The following UBE2E1 variants were observed in gnomAD, a reference collection of about 807,000 sequenced individuals.
UBE2E1 encodes the protein ubiquitin conjugating enzyme E2 E1.
A neutral mutation model predicts 21.4 loss-of-function variants in UBE2E1; 6 were observed. That is an observed-to-expected ratio of 0.28 (90% confidence interval 0.15 to 0.55). The LOEUF is 0.55. Among genes scored for constraint, UBE2E1 ranks in the 20% least tolerant of loss-of-function variants. UBE2E1 has a pLI of 0.93. For missense variants in UBE2E1, 142 were observed against 236.5 expected, an observed-to-expected ratio of 0.60 and a Z score of 2.62; for synonymous variants, 87 against 82.7, an observed-to-expected ratio of 1.05 and a Z score of -0.28.
At chr3:23,890,479 T>A (rs1553641297) in intron 5 of UBE2E1, 30 bp from the exon 6 acceptor site, 1 of 1,599,130 alleles carries the variant, frequency 6.3e-7, no homozygotes, top group South Asian at 1.1e-5. Context: ...TTTTCCTTTC[T>A]CCAAAGTAAT....
intron 3 of UBE2E1, among the ~76,000 whole-genome samples, chr3:23,845,725 C>T (rs1700190021): frequency 1.3e-5 from 2 of 151,956 alleles, no homozygotes; most frequent in South Asian, 4.1e-4. Flanking sequence ...TTCTAGGCGT[C>T]ATAGGCCATT....
rs1375293378 is a variant in UBE2E1, at chr3:23,876,408, G to T, written c.204-11159G>T. ...TTACTGTTTTATGAAGGGGTGCTGA[G>T]GGTAAGAATGTACCAAGTAGATCTC... On this transcript the variant is annotated intron_variant, in intron 3 of 5. Coordinates refer to ENST00000306627, the MANE Select transcript of UBE2E1 (RefSeq NM_003341.5). This position sits in a 1 kb window ranked among gnomAD's most constrained non-coding sequence, Gnocchi z 4.3. Among the ~76,000 whole-genome samples the T allele has an allele frequency of 6.6e-6, 1 of 152,164 alleles. No individual in the cohort carries two copies. Among genetic ancestry groups the T allele is most frequent in the East Asian group, 1.9e-4 (1 of 5,192 alleles).
chr3:23,837,331 C>A (rs1699993022), intron 3 of UBE2E1, among the ~76,000 whole-genome samples: 1 of 152,172 alleles, frequency 6.6e-6, no homozygotes, highest in South Asian at 2.1e-4. Flanking sequence ...AGTCTGAGTG[C>A]TCTGTTTAGA....
rs35613446 is a variant in UBE2E1 at position 23,842,195 on chromosome 3, A to AGGGGGGG, written c.203+30689_203+30690insGGGGGGG. ...AACTATGTCATGACCCAGTAAGTGA[A>AGGGGGGG]GGGGTGTGTGTGTGTGTGTGTGTGT... On this transcript the variant is annotated intron_variant, in intron 3 of 5. Transcript: ENST00000306627. The surrounding 1 kb of genome is among the most constrained non-coding windows in gnomAD (Gnocchi z 4.6). Among the ~76,000 whole-genome samples the AGGGGGGG allele has an allele frequency of 2.5e-5, 1 of 39,376 alleles. No homozygotes were observed. Among genetic ancestry groups the AGGGGGGG allele is most frequent in the African/African-American group, 7.4e-5 (1 of 13,522 alleles). 25.8% of individuals were successfully genotyped at this position (39,376 alleles called of 152,430 possible).
chr3:23,829,932 T>A (rs951820918), intron 3 of UBE2E1, among the ~76,000 whole-genome samples: 2 of 152,164 alleles, frequency 1.3e-5, no homozygotes, highest in African/African-American at 4.8e-5. Context: ...AGAGAAACCC[T>A]GGCATTGTCA....
chr3:23,830,778 A>G (rs1477379117), intron 3 of UBE2E1, among the ~76,000 whole-genome samples: 5 of 152,240 alleles, frequency 3.3e-5, no homozygotes, highest in Non-Finnish European at 5.9e-5. Context: ...GTCTCATTGA[A>G]ACATCAGCAA....
At chr3:23,837,787 CT>C in intron 3 of UBE2E1, among the ~76,000 whole-genome samples, 1 of 152,172 alleles carries the variant, frequency 6.6e-6, no homozygotes, top group Non-Finnish European at 1.5e-5. Context: ...CACCTTCAAT[CT>C]TTTGAGGAAC....
chr3:23,875,495 T>C (rs1204907292), intron 3 of UBE2E1, among the ~76,000 whole-genome samples: 1 of 152,214 alleles, frequency 6.6e-6, no homozygotes, highest in African/African-American at 2.4e-5. Flanking sequence ...ACTCTATAGC[T>C]TCCATAGGCC....
Position 23,853,113 on chromosome 3 carries a change from G to A in UBE2E1, c.204-34454G>A, listed in dbSNP as rs578189629. Among the ~76,000 whole-genome samples, 2 of 151,998 alleles carry A rather than the reference G, an allele frequency of 1.3e-5. No homozygotes were observed. Among genetic ancestry groups the A allele is most frequent in the South Asian group, 2.1e-4 (1 of 4,804 alleles). ...ATTTTTTGTTGGTCAGGCTGGTCTC[G>A]AACTCCCAACCTCAGGTGATCTGCC... On this transcript the variant is annotated intron_variant, in intron 3 of 5. Coordinates refer to ENST00000306627, the MANE Select transcript of UBE2E1 (RefSeq NM_003341.5). The surrounding 1 kb of genome is among the most constrained non-coding windows in gnomAD (Gnocchi z 4.1).
intron 3 of UBE2E1, among the ~76,000 whole-genome samples, chr3:23,817,446 A>G (rs975834888): frequency 1.5e-4 from 23 of 151,712 alleles, no homozygotes; most frequent in African/African-American, 5.3e-4. Context: ...AAAGAAAGAA[A>G]AGAAAAGGCA....
At position 23,806,439 on chromosome 3, in the gene UBE2E1, C is replaced by G. The variant is rs558337065; in HGVS notation, c.-34+351C>G. On this transcript the variant is annotated intron_variant, in intron 1 of 5. Coordinates refer to ENST00000306627, the MANE Select transcript of UBE2E1 (RefSeq NM_003341.5). The surrounding 1 kb of genome is among the most constrained non-coding windows in gnomAD (Gnocchi z 6.5). ...GGGGGAGCCCCGTTTTCCCCAGGGG[C>G]GGGGGTTCGCGGGGATTAACCCCTC... 0.023 allele frequency among the ~76,000 whole-genome samples: 3,425 copies of G among 151,530 alleles called. 51 individuals carry two copies. Among genetic ancestry groups the G allele is most frequent in the Middle Eastern group, 0.055 (16 of 292 alleles).
At chr3:23,889,464 G>T in intron 5 of UBE2E1, 1 of 1,394,178 alleles carries the variant, frequency 7.2e-7, no homozygotes, top group Non-Finnish European at 9.3e-7. Context: ...CTAGCAACAA[G>T]GTATTTTAAA....
intron 3 of UBE2E1, among the ~76,000 whole-genome samples, chr3:23,812,394 G>A (rs1575799251): frequency 6.6e-6 from 1 of 152,218 alleles, no homozygotes; most frequent in East Asian, 1.9e-4. Flanking sequence ...AGGAGTAGAA[G>A]TTACTGACAA....
At position 23,810,306 on chromosome 3, in the gene UBE2E1, G is replaced by C. The variant is rs2125278639; in HGVS notation, c.153-1154G>C. The C allele has an allele frequency of 1.3e-6, 1 of 794,352 alleles. No individual in the cohort carries two copies. Among genetic ancestry groups the C allele is most frequent in the East Asian group, 2.8e-5 (1 of 35,834 alleles). 49.2% of individuals were successfully genotyped at this position (794,352 alleles called of 1,614,324 possible). A position where few individuals can be genotyped will look rare whatever the true frequency, so the allele number is the denominator to read the frequency against. ...GCCCTAAACTGTCGTATTAATTGAT[G>C]CTCTAAGTGCCTAGGTAAGCAAAAG... On this transcript the variant is annotated intron_variant, in intron 2 of 5. Transcript: ENST00000306627. The surrounding 1 kb of genome is among the most constrained non-coding windows in gnomAD (Gnocchi z 5.8).
At chr3:23,826,048 C>T (rs1250819096) in intron 3 of UBE2E1, among the ~76,000 whole-genome samples, 1 of 151,948 alleles carries the variant, frequency 6.6e-6, no homozygotes, top group Non-Finnish European at 1.5e-5. Flanking sequence ...GTGAGATCCT[C>T]ATTTAAAAAA....
chr3:23,813,636 G>A (rs530557434), intron 3 of UBE2E1, among the ~76,000 whole-genome samples: 3 of 152,130 alleles, frequency 2.0e-5, no homozygotes, highest in Non-Finnish European at 2.9e-5. Flanking sequence ...TCCACCTCCC[G>A]GGTCCTGGTT....
chr3:23,886,014 TAGAG>T (rs1376334549), intron 3 of UBE2E1, among the ~76,000 whole-genome samples: 1 of 151,598 alleles, frequency 6.6e-6, no homozygotes, highest in Non-Finnish European at 1.5e-5. Context: ...CTGGGCAACA[TAGAG>T]AGACCCCCAT....
At position 23,889,275 on chromosome 3, in the gene UBE2E1, CT is replaced by C; in HGVS notation, c.484+19del. Reference sequence around the variant, plus strand: ...TGTAATCCTGGTAAGGTTCATAATTCTTTACCTTGTTTTATTCTTCCTTACC... The same window carrying C: ...TGTAATCCTGGTAAGGTTCATAATTCTTACCTTGTTTTATTCTTCCTTACC... On this transcript the variant is annotated intron_variant, in intron 5 of 5. Transcript: ENST00000306627. 2 of 1,613,472 alleles carry C rather than the reference CT, an allele frequency of 1.2e-6. No homozygotes were observed. The highest frequency in any genetic ancestry group is 1.7e-6 in the Non-Finnish European group (2 of 1,179,918).
At chr3:23,890,167 T>C (rs1374518251) in intron 5 of UBE2E1, among the ~76,000 whole-genome samples, 1 of 152,154 alleles carries the variant, frequency 6.6e-6, no homozygotes, top group African/African-American at 2.4e-5. Context: ...CAGCTGGATG[T>C]TCATTGCAGT....
Sources: allele counts gnomAD v4.1 joint callset (sites outside exome capture counted in the v4.1 genomes callset), GRCh38; gene constraint gnomAD v4.1.1; non-coding constraint Gnocchi (gnomAD v3.1); transcripts MANE v1.5; gene names NCBI Gene and HGNC (gene_info 2026-07-23, HGNC 2026-07-21).